Variants in GIGYF2 observed in about 807,000 individuals in gnomAD.
GIGYF2 encodes the protein GRB10 interacting GYF protein 2, also known as GRB10-interacting GYF protein 2.
In GIGYF2, 25 loss-of-function variants were observed where a neutral mutation model predicts 208.1. The ratio of observed to expected loss-of-function variants is 0.12; its 90% CI spans 0.09 to 0.17. GIGYF2 has a LOEUF of 0.17. Among genes scored for constraint, GIGYF2 ranks in the 10% least tolerant of loss-of-function variants. The probability of loss-of-function intolerance (pLI) is 1.00; values close to 1 mark genes in which losing one functional copy is unlikely to be tolerated. For synonymous variants in GIGYF2, 534 were observed against 543.8 expected (o/e 0.98, Z 0.25); for missense variants, 1,302 against 1,579.4 (o/e 0.82, Z 2.98).
chr2:232,764,775 A>G (rs1698886256), intron 8 of GIGYF2, among the ~76,000 whole-genome samples: 2 of 152,238 alleles, frequency 1.3e-5, no homozygotes, highest in South Asian at 2.1e-4. Flanking sequence ...TGATAGAACA[A>G]TAGCCTGGTT....
intron 5 of GIGYF2, among the ~76,000 whole-genome samples, chr2:232,749,495 A>ATG (rs137927853): frequency 6.1e-4 from 92 of 151,234 alleles, no homozygotes; most frequent in South Asian, 1.7e-3. Flanking sequence ...TCTGTCACCA[A>ATG]TGTGTGTGTG....
intron 27 of GIGYF2, among the ~76,000 whole-genome samples, chr2:232,848,930 T>C (rs1480883398): frequency 6.6e-6 from 1 of 152,136 alleles, no homozygotes; most frequent in Non-Finnish European, 1.5e-5. Flanking sequence ...GAGAATCAAT[T>C]CTACAAGTTT....
chr2:232,821,163 T>A (rs904434476), intron 21 of GIGYF2, among the ~76,000 whole-genome samples: 2 of 152,076 alleles, frequency 1.3e-5, no homozygotes, highest in South Asian at 2.1e-4. Context: ...TTTTTCACTT[T>A]GACAATGTCC....
In GIGYF2 at chr2:232,790,668, C is replaced by G. The variant is rs759894208; in HGVS notation, c.713-30C>G. 5.8e-6 allele frequency: 9 copies of G among 1,557,246 alleles called. No homozygotes were observed. In the South Asian group the frequency reaches 7.8e-5, roughly 13 times the overall value. ...ATTCAAATACTGTCATAAAACTTTT[C>G]TAAGGTTTGTGTCCTCCTTCTCATC... is the stretch of plus-strand genomic sequence containing the variant. On this transcript the variant is annotated intron_variant, in intron 9 of 28. Transcript: ENST00000373563.
intron 27 of GIGYF2, among the ~76,000 whole-genome samples, chr2:232,850,002 A>T (rs997592177): frequency 9.2e-5 from 14 of 152,206 alleles, no homozygotes; most frequent in Admixed American, 3.3e-4. Flanking sequence ...CTGCCGTCAC[A>T]GCAGGGTGGA....
At chr2:232,747,123 AATAG>A (rs1219191010) in intron 3 of GIGYF2, among the ~76,000 whole-genome samples, 4 of 152,224 alleles carry the variant, frequency 2.6e-5, no homozygotes, top group African/African-American at 7.2e-5. Flanking sequence ...CAAATTGCCA[AATAG>A]ATAATTAAAT....
intron 27 of GIGYF2, among the ~76,000 whole-genome samples, chr2:232,848,488 G>A (rs536554198): frequency 3.9e-5 from 6 of 152,266 alleles, no homozygotes; most frequent in African/African-American, 1.4e-4. Flanking sequence ...ACAAAGATTA[G>A]CCAGGCATGG....
At position 232,707,857 on chromosome 2, in the gene GIGYF2, C is replaced by T. The variant is rs556603957; in HGVS notation, c.-44+4368C>T. On this transcript the variant is annotated intron_variant, in intron 2 of 28. Transcript: ENST00000373563. ...TTCACCATGTTGGCCAGGCTGGTCC[C>T]GAACTCTTGACCTCAGGTGATCCAC... Among the ~76,000 whole-genome samples the T allele has an allele frequency of 5.3e-5, 8 of 151,730 alleles. No homozygotes were observed. The East Asian group carries it at 9.7e-4, about 18-fold the overall frequency.
At chr2:232,791,221 CT>C (rs1160083980) in intron 11 of GIGYF2, 36 bp from the exon 12 acceptor site, 1 of 1,613,744 alleles carries the variant, frequency 6.2e-7, no homozygotes, top group Admixed American at 1.7e-5. Flanking sequence ...CAAACCAAAA[CT>C]TTCGTAAGTT....
At chr2:232,795,714 G>A (rs1456342183) in intron 13 of GIGYF2, among the ~76,000 whole-genome samples, 9 of 152,054 alleles carry the variant, frequency 5.9e-5, no homozygotes, top group South Asian at 2.1e-4. Context: ...TCTGGATAAC[G>A]TGATGAGATC....
chr2:232,768,533 A>G (rs1213869211), intron 8 of GIGYF2: 1 of 1,614,008 alleles, frequency 6.2e-7, no homozygotes, highest in Non-Finnish European at 8.5e-7. Flanking sequence ...TTGATGGTGT[A>G]ATGGAGTGAT....
rs960685260 is a variant in GIGYF2, at chr2:232,766,038, C to T, written c.532+4602C>T. 28 of 470,792 alleles carry T rather than the reference C, an allele frequency of 5.9e-5. No individual in the cohort carries two copies. The highest frequency in any genetic ancestry group is 9.3e-5 in the South Asian group (6 of 64,514). 29.2% of individuals were successfully genotyped at this position (470,792 alleles called of 1,614,324 possible). A position where few individuals can be genotyped will look rare whatever the true frequency, so the allele number is the denominator to read the frequency against. On this transcript the variant is annotated intron_variant, in intron 8 of 28. Coordinates refer to ENST00000373563, the MANE Select transcript of GIGYF2 (RefSeq NM_001103146.3). ...GCCATTCCTCCCTCCCAGTAATTTCCGCCCTTTTTCCATTGTTACTTCCTT... is the reference window on the plus strand; with the variant it reads ...GCCATTCCTCCCTCCCAGTAATTTCTGCCCTTTTTCCATTGTTACTTCCTT...
At chr2:232,852,874 G>A (rs1309612919) in intron 28 of GIGYF2, among the ~76,000 whole-genome samples, 1 of 152,108 alleles carries the variant, frequency 6.6e-6, no homozygotes, top group African/African-American at 2.4e-5. Flanking sequence ...ATATTCCCTT[G>A]GATCTCATCT....
At chr2:232,740,696 A>C (rs369426120) in intron 3 of GIGYF2, among the ~76,000 whole-genome samples, 1 of 152,194 alleles carries the variant, frequency 6.6e-6, no homozygotes, top group South Asian at 2.1e-4. Context: ...TTAATAAATG[A>C]ATGTTGAATG....
chr2:232,698,250 GT>G (rs1216248851), intron 1 of GIGYF2: 3 of 152,146 alleles, frequency 2.0e-5, no homozygotes, highest in Non-Finnish European at 4.4e-5. Context: ...TTATTTTGTT[GT>G]TTTCGTTTTC....
intron 7 of GIGYF2, among the ~76,000 whole-genome samples, chr2:232,760,928 A>T (rs1220218964): frequency 6.6e-6 from 1 of 151,856 alleles, no homozygotes; most frequent in Non-Finnish European, 1.5e-5. Context: ...GTCTGTCAAG[A>T]TGAGTGGGGG....
At chr2:232,824,630 A>G (rs1701194005) in intron 21 of GIGYF2, among the ~76,000 whole-genome samples, 1 of 152,278 alleles carries the variant, frequency 6.6e-6, no homozygotes, top group African/African-American at 2.4e-5. Flanking sequence ...TTTCCATAAA[A>G]TAAAAGCACA....
rs542395636 is a variant in GIGYF2, at chr2:232,842,266, C to T, written c.2890-1780C>T. Among the ~76,000 whole-genome samples, 3 of 151,966 alleles carry T rather than the reference C, an allele frequency of 2.0e-5. No homozygotes were observed. The East Asian group carries it at 5.8e-4, about 29-fold the overall frequency. On this transcript the variant is annotated intron_variant, in intron 23 of 28. Transcript: ENST00000373563. ...AGTGCAGTGGTGTGATGGTAACTCA[C>T]TGTAACCTTGAACTCCTGAGCTCAA...
At chr2:232,720,514 A>G (rs1696884271) in intron 2 of GIGYF2, among the ~76,000 whole-genome samples, 1 of 151,920 alleles carries the variant, frequency 6.6e-6, no homozygotes, top group Admixed American at 6.6e-5. Context: ...AGGAACTGCC[A>G]CACTGTCTTC....
Sources: gnomAD v4.1 joint callset for allele counts (sites outside exome capture counted in the v4.1 genomes callset) on GRCh38, gnomAD v4.1.1 for gene constraint, MANE v1.5 for transcripts, NCBI Gene and HGNC (gene_info 2026-07-23, HGNC 2026-07-21) for gene names.